The following NOL10 variants were observed in gnomAD, a reference collection of about 807,000 sequenced individuals.
NOL10 encodes nucleolar protein 10, also known as H_NH0074G24.1.
Under a neutral mutation model 103.5 loss-of-function variants are expected in NOL10, and 58 were observed. The ratio of observed to expected loss-of-function variants is 0.56; its 90% CI spans 0.45 to 0.70. NOL10 has a LOEUF of 0.70. Ranked by LOEUF, NOL10 falls within the 30% of genes least tolerant of loss-of-function variation. NOL10 has a pLI of 0.00. For synonymous variants in NOL10, 287 were observed against 282.5 expected (o/e 1.02, Z -0.16); for missense variants, 763 against 807.3 (o/e 0.95, Z 0.67).
Position 10,679,612 on chromosome 2 carries a change from CT to C in NOL10, c.211+2358del, listed in dbSNP as rs200773045. ...TCTTTCCTCTCTCCTTCCTCTCTTT[CT>C]CTCTCTTTCTCTCTCTTTCTTTCTT... On this transcript the variant is annotated intron_variant, in intron 3 of 20. Coordinates refer to ENST00000381685, the MANE Select transcript of NOL10 (RefSeq NM_024894.4). Among the ~76,000 whole-genome samples, 1,323 of 138,254 alleles carry C rather than the reference CT, an allele frequency of 9.6e-3. 12 individuals are homozygous for C. Among genetic ancestry groups the C allele is most frequent in the African/African-American group, 0.017 (681 of 40,428 alleles). 90.7% of individuals were successfully genotyped at this position (138,254 alleles called of 152,430 possible). A position where few individuals can be genotyped will look rare whatever the true frequency, so the allele number is the denominator to read the frequency against.
At chr2:10,642,587 A>G (rs1004565304) in intron 13 of NOL10, among the ~76,000 whole-genome samples, 1 of 152,026 alleles carries the variant, frequency 6.6e-6, no homozygotes, top group Non-Finnish European at 1.5e-5. Context: ...TCGAATGCTC[A>G]GCCATGGGAG....
intron 13 of NOL10, among the ~76,000 whole-genome samples, chr2:10,637,884 TA>T (rs1390748721): frequency 6.6e-6 from 1 of 152,208 alleles, no homozygotes; most frequent in Non-Finnish European, 1.5e-5. Flanking sequence ...TTCCAAATTT[TA>T]AATTAAATGG....
chr2:10,675,046 T>A, intron 4 of NOL10, among the ~76,000 whole-genome samples: 1 of 151,654 alleles, frequency 6.6e-6, no homozygotes, highest in African/African-American at 2.4e-5. Flanking sequence ...CTACAAAAAA[T>A]TATAAAATTA....
At chr2:10,669,481 TACACACACACACACATACAC>T (rs1680779760) in intron 6 of NOL10, among the ~76,000 whole-genome samples, 1 of 132,428 alleles carries the variant, frequency 7.6e-6, no homozygotes, top group South Asian at 2.4e-4. Context: ...TATATATATA[TACACACACACACACATACAC>T]ACACACATAT....
chr2:10,604,588 A>G (rs925110745), intron 14 of NOL10: 6 of 152,200 alleles, frequency 3.9e-5, no homozygotes, highest in South Asian at 4.1e-4. Context: ...TATATTCTCT[A>G]AATCTTCCTC....
At position 10,602,429 on chromosome 2, in the gene NOL10, G is replaced by A. The variant is rs529760238; in HGVS notation, c.1332+347C>T. On this transcript the variant is annotated intron_variant, in intron 16 of 20. Coordinates refer to ENST00000381685, the MANE Select transcript of NOL10 (RefSeq NM_024894.4). Reference sequence around the variant, plus strand: ...AAACAGAGCCTAAGATACGGCCAAAGGTCAGTAAGGAATAGGGATTAGCAA... The same window carrying A: ...AAACAGAGCCTAAGATACGGCCAAAAGTCAGTAAGGAATAGGGATTAGCAA... Among the ~76,000 whole-genome samples, 73 of 152,258 alleles carry A rather than the reference G, an allele frequency of 4.8e-4. No individual in the cohort carries two copies. In the South Asian group the frequency reaches 0.014, roughly 30 times the overall value.
chr2:10,609,362 AG>A (rs1676429664), intron 13 of NOL10, among the ~76,000 whole-genome samples: 1 of 145,892 alleles, frequency 6.9e-6, no homozygotes, highest in Admixed American at 7.2e-5. Flanking sequence ...CCGAGGCGGG[AG>A]GATCACGAGG....
chr2:10,673,595 C>T, intron 4 of NOL10, 38 bp from the exon 5 acceptor site: 2 of 1,401,822 alleles, frequency 1.4e-6, no homozygotes, highest in Non-Finnish European at 2.0e-6. Context: ...AATTATCAAA[C>T]AATATTCTTA....
chr2:10,667,017 T>C (rs982613714), intron 8 of NOL10, among the ~76,000 whole-genome samples: 12 of 152,210 alleles, frequency 7.9e-5, no homozygotes, highest in East Asian at 3.8e-4. Context: ...GTGAAGGACA[T>C]TGATTCAAAG....
At chr2:10,601,059 T>A (rs916308589) in intron 16 of NOL10, 117 bp from the exon 17 acceptor site, 2 of 619,312 alleles carry the variant, frequency 3.2e-6, no homozygotes, top group South Asian at 4.2e-5. Flanking sequence ...GATAACTAAT[T>A]CTTATTTTAT....
chr2:10,607,828 G>A (rs1676339978), intron 13 of NOL10, among the ~76,000 whole-genome samples: 1 of 150,710 alleles, frequency 6.6e-6, no homozygotes, highest in African/African-American at 2.4e-5. Context: ...GAACTCCTGA[G>A]TTCAAGCAAT....
Position 10,607,233 on chromosome 2 carries a change from C to G in NOL10, c.1105G>C (p.Val369Leu). 4 of 1,607,550 alleles carry G rather than the reference C, an allele frequency of 2.5e-6. No individual in the cohort carries two copies. Among genetic ancestry groups the G allele is most frequent in the Non-Finnish European group, 3.4e-6 (4 of 1,176,348 alleles). The change falls in exon 14 of 21, where the codon GTC (valine) becomes CTC (leucine). Residue 369 changes from valine to leucine, a missense_variant. Transcript: ENST00000381685. ...GTGACAAATTTATAATCATCATAGA[C>G]TGTGCTTTCTGGATTCTCTTCTAAT... ...EELEENPEST[V>L]YDDYKFVTKK...
chr2:10,572,330 A>C, intron 20 of NOL10, 140 bp from the exon 21 acceptor site: 1 of 899,338 alleles, frequency 1.1e-6, no homozygotes, highest in Non-Finnish European at 1.7e-6. Context: ...GCTCCAGGGG[A>C]CATGGTGGGG....
chr2:10,652,492 G>A (rs1335470745), intron 12 of NOL10, among the ~76,000 whole-genome samples: 1 of 151,930 alleles, frequency 6.6e-6, no homozygotes, highest in East Asian at 1.9e-4. Context: ...CCATCATCCA[G>A]ATTGATAACA....
chr2:10,620,212 G>C lies in NOL10; in HGVS notation c.1027-12901C>G, dbSNP rs536250429. The stretch of plus-strand genomic sequence containing the variant: ...ACTCGACTTCCTTGCAGGCAAAAGT[G>C]TTTATTAATAACTTTTCTGCATATT... On this transcript the variant is annotated intron_variant, in intron 13 of 20. Coordinates refer to ENST00000381685, the MANE Select transcript of NOL10 (RefSeq NM_024894.4). Among the ~76,000 whole-genome samples the C allele has an allele frequency of 3.3e-5, 5 of 152,170 alleles. No homozygotes were observed. The East Asian group carries it at 9.6e-4, about 29-fold the overall frequency.
intron 6 of NOL10, among the ~76,000 whole-genome samples, chr2:10,670,961 A>C (rs1342591610): frequency 6.6e-6 from 1 of 152,240 alleles, no homozygotes; most frequent in Non-Finnish European, 1.5e-5. Flanking sequence ...TCAACTACAT[A>C]ATGAAAGATG....
Position 10,682,014 on chromosome 2 carries a change from G to A in NOL10, c.168C>T (p.Thr56=). The change falls in exon 3 of 21, where the codon ACC becomes ACT. Residue 56 remains threonine (T), a synonymous_variant. Transcript: ENST00000381685. ...GTCCATCTTTTGACACCTTAATAGT[G>A]GTACACACAGTAGGCATTTCAAAGT... The part of the protein sequence containing the change: ...IQDFEMPTVC[T]TIKVSKDGQY... 2 of 1,528,732 alleles carry A rather than the reference G, an allele frequency of 1.3e-6. No individual in the cohort carries two copies. The highest frequency in any genetic ancestry group is 1.8e-6 in the Non-Finnish European group (2 of 1,135,202). 94.7% of individuals were successfully genotyped at this position (1,528,732 alleles called of 1,614,324 possible).
At chr2:10,656,644 C>G (rs749754174) in intron 11 of NOL10, among the ~76,000 whole-genome samples, 2 of 152,256 alleles carry the variant, frequency 1.3e-5, no homozygotes, top group Non-Finnish European at 2.9e-5. Flanking sequence ...CTGTGAGGGG[C>G]TGTCTGCAGC....
At chr2:10,598,154 T>C (rs774696707) in intron 17 of NOL10, among the ~76,000 whole-genome samples, 2 of 152,188 alleles carry the variant, frequency 1.3e-5, no homozygotes, top group Non-Finnish European at 2.9e-5. Flanking sequence ...GTTCATAAAG[T>C]ATAACTCCAC....
Sources: gnomAD v4.1 joint callset for allele counts (sites outside exome capture counted in the v4.1 genomes callset) on GRCh38, gnomAD v4.1.1 for gene constraint, MANE v1.5 for transcripts, NCBI Gene and HGNC (gene_info 2026-07-23, HGNC 2026-07-21) for gene names.